Variants in ADCY2 observed in about 807,000 individuals in gnomAD.
The protein encoded by ADCY2 is adenylate cyclase 2.
Under a neutral mutation model 125.2 loss-of-function variants are expected in ADCY2, and 31 were observed. The ratio of observed to expected loss-of-function variants is 0.25; its 90% CI spans 0.19 to 0.33. The LOEUF is 0.33. Ranked by LOEUF, ADCY2 falls within the 10% of genes least tolerant of loss-of-function variation. ADCY2 has a pLI of 1.00. For missense variants in ADCY2, 904 were observed against 1,418.2 expected, an observed-to-expected ratio of 0.64 and a Z score of 5.82; for synonymous variants, 512 against 548.4, an observed-to-expected ratio of 0.93 and a Z score of 0.93.
chr5:7,580,589 C>G (rs2126611431), intron 3 of ADCY2, among the ~76,000 whole-genome samples: 1 of 152,052 alleles, frequency 6.6e-6, no homozygotes, highest in Admixed American at 6.5e-5. Context: ...GCTCAGTAAT[C>G]TATATGATAA....
chr5:7,438,250 C>T (rs945192152), intron 2 of ADCY2, among the ~76,000 whole-genome samples: 1 of 152,110 alleles, frequency 6.6e-6, no homozygotes, highest in Non-Finnish European at 1.5e-5. Context: ...GCTTACCCAC[C>T]GTTATTTATT....
intron 18 of ADCY2, among the ~76,000 whole-genome samples, chr5:7,779,718 G>A (rs1743855667): frequency 6.6e-6 from 1 of 152,116 alleles, no homozygotes. Flanking sequence ...ACACAACTCT[G>A]AAAAAGCGGG....
intron 2 of ADCY2, among the ~76,000 whole-genome samples, chr5:7,520,248 G>T (rs1227802916): frequency 6.6e-6 from 1 of 152,146 alleles, no homozygotes; most frequent in African/African-American, 2.4e-5. Context: ...TCCACAGGCT[G>T]TTTTATTTTG....
intron 4 of ADCY2, among the ~76,000 whole-genome samples, chr5:7,647,283 A>C (rs2126678934): frequency 6.6e-6 from 1 of 152,310 alleles, no homozygotes; most frequent in East Asian, 1.9e-4. Context: ...CATGTAAGTA[A>C]TGATAATATC....
intron 2 of ADCY2, among the ~76,000 whole-genome samples, chr5:7,424,107 G>C (rs577195186): frequency 6.6e-6 from 1 of 152,140 alleles, no homozygotes; most frequent in Non-Finnish European, 1.5e-5. Context: ...AGACATTTTT[G>C]CTTGCTGCTC....
intron 2 of ADCY2, among the ~76,000 whole-genome samples, chr5:7,509,782 T>C (rs953627904): frequency 6.6e-6 from 1 of 152,244 alleles, no homozygotes; most frequent in Non-Finnish European, 1.5e-5. Flanking sequence ...ATGGGAAAGA[T>C]AAAATCTTTT....
chr5:7,757,172 C>A (rs1743020105), intron 15 of ADCY2, among the ~76,000 whole-genome samples: 1 of 152,174 alleles, frequency 6.6e-6, no homozygotes, highest in South Asian at 2.1e-4. Context: ...AGAAAGGAAT[C>A]ACTTAAAAAC....
intron 16 of ADCY2, among the ~76,000 whole-genome samples, chr5:7,759,599 G>A (rs1292802806): frequency 6.6e-6 from 1 of 152,182 alleles, no homozygotes; most frequent in East Asian, 1.9e-4. Context: ...ATCACCCGAG[G>A]CTCATTTTCT....
intron 15 of ADCY2, among the ~76,000 whole-genome samples, chr5:7,744,469 G>A (rs1742535837): frequency 1.3e-5 from 2 of 152,154 alleles, no homozygotes; most frequent in Non-Finnish European, 2.9e-5. Flanking sequence ...GAAAGCATAC[G>A]TTAAAATATC....
chr5:7,821,494 G>C (rs1745298663), intron 24 of ADCY2, among the ~76,000 whole-genome samples: 1 of 152,168 alleles, frequency 6.6e-6, no homozygotes, highest in African/African-American at 2.4e-5. Flanking sequence ...ATGGCAGCTT[G>C]GTCAAGCCTG....
In ADCY2 at chr5:7,727,207, G is replaced by A; in HGVS notation, c.1817G>A (p.Cys606Tyr). 1 of 1,614,166 alleles carries A rather than the reference G, an allele frequency of 6.2e-7. No individual in the cohort carries two copies. Among genetic ancestry groups the A allele is most frequent in the Non-Finnish European group, 8.5e-7 (1 of 1,180,014 alleles). ...ALPAFKYYVT[C>Y]ACLIFFCIFI... Reference sequence around the variant, plus strand: ...CCAGCGTTCAAGTATTATGTGACTTGTGCCTGTCTCATATTCTTCTGCATC... The same window carrying A: ...CCAGCGTTCAAGTATTATGTGACTTATGCCTGTCTCATATTCTTCTGCATC... Residue 606 changes from cysteine (C) to tyrosine (Y), a missense_variant, in exon 14 of 25, where the codon TGT becomes TAT. Coordinates refer to ENST00000338316, the MANE Select transcript of ADCY2 (RefSeq NM_020546.3).
At chr5:7,655,226 T>A (rs1484941605) in intron 4 of ADCY2, among the ~76,000 whole-genome samples, 1 of 152,198 alleles carries the variant, frequency 6.6e-6, no homozygotes, top group Non-Finnish European at 1.5e-5. Flanking sequence ...TTTTGTTGCT[T>A]GTGTTGTTAT....
chr5:7,435,226 A>G (rs1740752380), intron 2 of ADCY2, among the ~76,000 whole-genome samples: 1 of 152,226 alleles, frequency 6.6e-6, no homozygotes, highest in South Asian at 2.1e-4. Flanking sequence ...AACATTCTCA[A>G]GTGAACTGAT....
chr5:7,808,299 C>T (rs1744820690), intron 22 of ADCY2, among the ~76,000 whole-genome samples: 1 of 152,168 alleles, frequency 6.6e-6, no homozygotes. Flanking sequence ...ATGCAGTGGC[C>T]TTCAAAGTCC....
chr5:7,566,188 C>T (rs575249976), intron 3 of ADCY2, among the ~76,000 whole-genome samples: 5 of 152,274 alleles, frequency 3.3e-5, no homozygotes, highest in East Asian at 1.9e-4. Flanking sequence ...TTCCCATCAA[C>T]GTTGAGAAAG....
At chr5:7,714,478 T>G (rs1741536549) in intron 11 of ADCY2, among the ~76,000 whole-genome samples, 1 of 152,256 alleles carries the variant, frequency 6.6e-6, no homozygotes, top group Non-Finnish European at 1.5e-5. Flanking sequence ...GAAACTCTAA[T>G]TTGGTCTCTG....
chr5:7,688,277 T>G (rs1253256874), intron 4 of ADCY2, among the ~76,000 whole-genome samples: 1 of 151,120 alleles, frequency 6.6e-6, no homozygotes, highest in Non-Finnish European at 1.5e-5. Context: ...TTTTGTTGTT[T>G]TTTTTTTTGA....
intron 1 of ADCY2, among the ~76,000 whole-genome samples, chr5:7,402,946 A>C (rs1194392094): frequency 2.0e-5 from 3 of 152,160 alleles, no homozygotes; most frequent in Non-Finnish European, 4.4e-5. Context: ...GCACTATTGT[A>C]ATGGGAGCCC....
chr5:7,431,529 TAAA>T (rs35268826), intron 2 of ADCY2, among the ~76,000 whole-genome samples: 1 of 149,622 alleles, frequency 6.7e-6, no homozygotes. Context: ...TGGGAACTAT[TAAA>T]AAAAAAAACC....
Sources: gnomAD v4.1 joint callset for allele counts (sites outside exome capture counted in the v4.1 genomes callset) on GRCh38, gnomAD v4.1.1 for gene constraint, MANE v1.5 for transcripts, NCBI Gene and HGNC (gene_info 2026-07-23, HGNC 2026-07-21) for gene names.